The following SLC24A2 variants were observed in gnomAD, a reference collection of about 807,000 sequenced individuals.
SLC24A2 encodes sodium/potassium/calcium exchanger 2.
Under a neutral mutation model 62.0 loss-of-function variants are expected in SLC24A2, and 36 were observed. The observed-to-expected ratio is 0.58, with a 90% CI of 0.44 to 0.77. The LOEUF (loss-of-function observed/expected upper bound fraction) is 0.77, where lower values mean the gene tolerates loss of function less well. SLC24A2 is among the 30% of genes least tolerant of loss of function. SLC24A2 has a pLI of 0.00. For missense variants in SLC24A2, 846 were observed against 817.9 expected (o/e 1.03, Z -0.42); for synonymous variants, 358 against 294.0 (o/e 1.22, Z -2.23).
the SLC24A2 span, among the ~76,000 whole-genome samples, chr9:20,167,304 TG>T: frequency 0.24 from 36,863 of 151,978 alleles, 5,539 homozygotes; most frequent in African/African-American, 0.43. Flanking sequence ...GTAGCAATTC[TG>T]AAAAAATTTT....
At chr9:20,141,348 C>T in the SLC24A2 span, among the ~76,000 whole-genome samples, 2 of 152,120 alleles carry the variant, frequency 1.3e-5, no homozygotes, top group African/African-American at 4.8e-5. Flanking sequence ...CTGCAGTTAG[C>T]CCCCCTTACT....
chr9:19,557,407 A>G (rs1246776093), intron 7 of SLC24A2, among the ~76,000 whole-genome samples: 1 of 152,214 alleles, frequency 6.6e-6, no homozygotes, highest in African/African-American at 2.4e-5. Flanking sequence ...AATGAGCCGA[A>G]GGCGGTGGTT....
At chr9:19,760,598 T>C (rs993354190) in intron 2 of SLC24A2, among the ~76,000 whole-genome samples, 2 of 152,128 alleles carry the variant, frequency 1.3e-5, no homozygotes, top group African/African-American at 4.8e-5. Flanking sequence ...CTCCCACTTA[T>C]GAATGAGAAC....
At chr9:19,790,905 T>G (rs1823312489), upstream of SLC24A2, among the ~76,000 whole-genome samples, 1 of 152,154 alleles carries the variant, frequency 6.6e-6, no homozygotes, top group Non-Finnish European at 1.5e-5. Context: ...TTTTTATGGT[T>G]TCAGGTTTTT....
At chr9:19,555,072 T>G (rs1234940389) in intron 7 of SLC24A2, among the ~76,000 whole-genome samples, 1 of 152,160 alleles carries the variant, frequency 6.6e-6, no homozygotes, top group Non-Finnish European at 1.5e-5. Context: ...TTAACACTGG[T>G]TTTCTTGGTG....
At chr9:19,646,555 C>G (rs1048139289) in intron 2 of SLC24A2, among the ~76,000 whole-genome samples, 3 of 152,092 alleles carry the variant, frequency 2.0e-5, no homozygotes, top group African/African-American at 7.2e-5. Context: ...GTGTGCAGGC[C>G]TCAAATTGGG....
chr9:19,803,336 G>A, the SLC24A2 span, among the ~76,000 whole-genome samples: 118,572 of 151,824 alleles, frequency 0.78, 48,532 homozygotes, highest in Non-Finnish European at 0.92. Context: ...ACTTTGAAGA[G>A]AGAATTGAAA....
intron 7 of SLC24A2, among the ~76,000 whole-genome samples, chr9:19,562,860 T>G (rs1835474485): frequency 6.6e-6 from 1 of 152,186 alleles, no homozygotes; most frequent in Non-Finnish European, 1.5e-5. Context: ...GTCCCAGCAC[T>G]TTTGGAGCTC....
At chr9:20,074,679 G>C in the SLC24A2 span, among the ~76,000 whole-genome samples, 1 of 151,554 alleles carries the variant, frequency 6.6e-6, no homozygotes, top group African/African-American at 2.4e-5. Flanking sequence ...TTATTTTGTA[G>C]TTGCTTTATT....
the SLC24A2 span, among the ~76,000 whole-genome samples, chr9:19,808,609 G>A: frequency 6.6e-6 from 1 of 152,172 alleles, no homozygotes; most frequent in Non-Finnish European, 1.5e-5. The surrounding 1 kb of genome is among the most constrained non-coding windows in gnomAD (Gnocchi z 4.1). Context: ...AGCTACAACA[G>A]GTAATTTATC....
the SLC24A2 span, among the ~76,000 whole-genome samples, chr9:20,283,025 T>C: frequency 7.9e-5 from 12 of 152,216 alleles, no homozygotes; most frequent in African/African-American, 2.7e-4. Context: ...AATCCTCCTC[T>C]TCCCTTCCCT....
chr9:19,733,466 C>A (rs1210548778), intron 2 of SLC24A2, among the ~76,000 whole-genome samples: 1 of 152,136 alleles, frequency 6.6e-6, no homozygotes, highest in Admixed American at 6.6e-5. Context: ...TTTCCAATGA[C>A]AATCTGTGAA....
At chr9:20,117,479 C>T in the SLC24A2 span, among the ~76,000 whole-genome samples, 1 of 152,080 alleles carries the variant, frequency 6.6e-6, no homozygotes, top group Admixed American at 6.6e-5. Context: ...ATGTAATAAA[C>T]CTGCTAAGAG....
the SLC24A2 span, among the ~76,000 whole-genome samples, chr9:20,098,614 T>C: frequency 1.3e-5 from 2 of 152,142 alleles, no homozygotes; most frequent in African/African-American, 4.8e-5. Flanking sequence ...TTCCCAAAGA[T>C]ACTAACTGGC....
the SLC24A2 span, chr9:19,927,104 C>T: frequency 1.3e-5 from 2 of 152,280 alleles, no homozygotes; most frequent in African/African-American, 4.8e-5. Context: ...CAGAAGAGGA[C>T]AGAGTTCTGC....
the SLC24A2 span, among the ~76,000 whole-genome samples, chr9:20,079,824 T>C: frequency 8.5e-5 from 13 of 152,240 alleles, no homozygotes; most frequent in East Asian, 2.3e-3. Context: ...CTTAAGGAGA[T>C]TTTGGGCTGA....
At chr9:20,269,845 T>G in the SLC24A2 span, among the ~76,000 whole-genome samples, 5 of 152,218 alleles carry the variant, frequency 3.3e-5, no homozygotes, top group Non-Finnish European at 7.3e-5. Context: ...GCTTTCTTGT[T>G]GATACCTGGT....
At chr9:19,533,018 T>A (rs1833779991) in intron 8 of SLC24A2, among the ~76,000 whole-genome samples, 1 of 152,190 alleles carries the variant, frequency 6.6e-6, no homozygotes, top group African/African-American at 2.4e-5. Context: ...ACAAAGCCAT[T>A]AATAAAACTG....
At chr9:19,875,987 G>A in the SLC24A2 span, among the ~76,000 whole-genome samples, 1 of 152,136 alleles carries the variant, frequency 6.6e-6, no homozygotes, top group African/African-American at 2.4e-5. Flanking sequence ...TGGGAAAAAT[G>A]CAAGAGTTAG....
Sources: allele counts gnomAD v4.1 joint callset (sites outside exome capture counted in the v4.1 genomes callset), GRCh38; gene constraint gnomAD v4.1.1; non-coding constraint Gnocchi (gnomAD v3.1); transcripts MANE v1.5; gene names NCBI Gene and HGNC (gene_info 2026-07-23, HGNC 2026-07-21).